DDX46: variants seen among roughly 807,000 people sequenced by gnomAD.
DDX46 encodes the protein probable ATP-dependent RNA helicase DDX46.
Under a neutral mutation model 134.9 loss-of-function variants are expected in DDX46, and 30 were observed. That is an observed-to-expected ratio of 0.22 (90% CI 0.17 to 0.30). The LOEUF (loss-of-function observed/expected upper bound fraction) is 0.30. Among genes scored for constraint, DDX46 ranks in the 10% least tolerant of loss-of-function variants. The pLI, the probability that DDX46 is intolerant of heterozygous loss-of-function variation, is 1.00. For missense variants in DDX46, 622 were observed against 1,248.7 expected (o/e 0.50, Z 7.56); for synonymous variants, 415 against 404.1 (o/e 1.03, Z -0.32).
At chr5:134,784,592 A>G (rs774455194) in intron 10 of DDX46, 51 bp downstream of exon 10, 1 of 1,518,078 alleles carries the variant, frequency 6.6e-7, no homozygotes, top group South Asian at 1.3e-5. Flanking sequence ...TTGTTGTCAA[A>G]CAGAAAGACC....
In DDX46 at chr5:134,811,328, G is replaced by A. The variant is rs1336675673; in HGVS notation, c.2256G>A (p.Leu752=). 1.9e-6 allele frequency: 3 copies of A among 1,614,054 alleles called. No individual in the cohort carries two copies. The East Asian group carries it at 6.7e-5, about 36-fold the overall frequency. The change falls in exon 17 of 23, where the codon CTG becomes CTA. Residue 752 remains leucine, a synonymous_variant. Transcript: ENST00000452510. ...GTAVPPDLEK[L]WSDFKDQQKA... is the part of the protein sequence containing the mutation. ...CAGTACCTCCTGATTTAGAGAAACT[G>A]TGGAGTGATTTCAAAGATCAGCAGA...
intron 21 of DDX46, among the ~76,000 whole-genome samples, chr5:134,821,535 TG>T (rs769326154): frequency 0.17 from 24,336 of 143,502 alleles, 2,425 homozygotes; most frequent in East Asian, 0.33. Context: ...CTGGGTTTTT[TG>T]TTTTTTTTTT....
At position 134,816,566 on chromosome 5, in the gene DDX46, G is replaced by A; in HGVS notation, c.2573G>A (p.Arg858Lys). ...KLEIAKRLAL[R>K]INAQKNLGIE... ...GAAATTGCTAAGAGATTGGCTCTTA[G>A]AATCAATGCCCAGAAGAATTTGGGC... is the stretch of plus-strand genomic sequence containing the variant. Residue 858 changes from arginine to lysine, a missense_variant, in exon 19 of 23, where the codon AGA (arginine) becomes AAA (lysine). Arg to Lys is a conservative substitution (Grantham distance 26). This residue lies in a region of DDX46 where 76 missense variants were observed against 213.0 expected (regional missense o/e 0.36). Transcript: ENST00000452510. The A allele has an allele frequency of 6.2e-7, 1 of 1,613,784 alleles. No homozygotes were observed. Among genetic ancestry groups the A allele is most frequent in the Non-Finnish European group, 8.5e-7 (1 of 1,179,936 alleles).
At position 134,766,970 on chromosome 5, in the gene DDX46, G is replaced by A; in HGVS notation, c.260G>A (p.Ser87Asn). ...DRSRERRRSR[S>N]RDRRRSRSRS... ...AGCCGAGAGCGAAGAAGATCTCGAAGTAGAGACAGGAGACGCTCAAGGAGT... is the reference window on the plus strand; with the variant it reads ...AGCCGAGAGCGAAGAAGATCTCGAAATAGAGACAGGAGACGCTCAAGGAGT... The change falls in exon 3 of 23, where the codon AGT becomes AAT. Residue 87 changes from serine (S) to asparagine (N), a missense_variant. Around this residue, in one of 8 missense-constraint regions of DDX46, gnomAD observed 244 missense variants for 349.3 expected, o/e 0.70. Coordinates refer to ENST00000452510, the MANE Select transcript of DDX46 (RefSeq NM_001300860.2). The A allele has an allele frequency of 6.2e-7, 1 of 1,614,210 alleles. No individual in the cohort carries two copies. The highest frequency in any genetic ancestry group is 8.5e-7 in the Non-Finnish European group (1 of 1,180,038).
intron 4 of DDX46, 89 bp from the exon 5 acceptor site, chr5:134,773,607 C>G: frequency 7.1e-7 from 1 of 1,411,100 alleles, no homozygotes; most frequent in Non-Finnish European, 9.4e-7. Flanking sequence ...CTTTGAAGAA[C>G]TTACTGGAAT....
At chr5:134,827,091 A>C (rs976464648) in intron 22 of DDX46, 71 bp downstream of exon 22, 101 of 1,432,584 alleles carry the variant, frequency 7.1e-5, no homozygotes, top group Middle Eastern at 5.3e-4. Context: ...AATACAGAGA[A>C]GTACTCAAAT....
intron 1 of DDX46, among the ~76,000 whole-genome samples, chr5:134,762,244 CT>C (rs1280415734): frequency 1.4e-5 from 2 of 141,550 alleles, no homozygotes; most frequent in South Asian, 4.5e-4. Context: ...GACACCATCT[CT>C]ACCCAAAAAA....
rs79622265 is a variant in DDX46 at position 134,758,823 on chromosome 5, G to C, written c.-116G>C. ...TGGGATGGCCGCCACAGCTGTAGGT[G>C]CTGCTAGTGTTTAGCGCTGGTCTTT... On this transcript the variant is annotated 5_prime_UTR_variant, in exon 1 of 23. Coordinates refer to ENST00000452510, the MANE Select transcript of DDX46 (RefSeq NM_001300860.2). 407 of 1,507,186 alleles carry C rather than the reference G, an allele frequency of 2.7e-4. 1 individual carries two copies. The East Asian group carries it at 9.0e-3, about 33-fold the overall frequency. 93.4% of individuals were successfully genotyped at this position (1,507,186 alleles called of 1,614,324 possible).
At chr5:134,803,395 G>T (rs771201020) in intron 15 of DDX46, among the ~76,000 whole-genome samples, 5 of 151,848 alleles carry the variant, frequency 3.3e-5, no homozygotes, top group Non-Finnish European at 7.4e-5. Context: ...GCATATATAC[G>T]CACAGTTGTG....
At chr5:134,808,394 A>C (rs1375032978) in intron 16 of DDX46, among the ~76,000 whole-genome samples, 1 of 152,204 alleles carries the variant, frequency 6.6e-6, no homozygotes, top group Non-Finnish European at 1.5e-5. Context: ...AGCCTATTTT[A>C]TAATAAAGTA....
At chr5:134,802,381 C>T (rs916764530) in intron 15 of DDX46, among the ~76,000 whole-genome samples, 4 of 151,736 alleles carry the variant, frequency 2.6e-5, no homozygotes, top group African/African-American at 9.7e-5. Context: ...AGGCTGGTCT[C>T]GAATTCCTGA....
chr5:134,807,738 T>A lies in DDX46; in HGVS notation c.1955-10T>A. 8 of 1,600,694 alleles carry A rather than the reference T, an allele frequency of 5.0e-6. No individual in the cohort carries two copies. Among genetic ancestry groups the A allele is most frequent in the Non-Finnish European group, 6.8e-6 (8 of 1,171,994 alleles). On this transcript the variant is annotated splice_polypyrimidine_tract_variant and intron_variant, in intron 15 of 22. Transcript: ENST00000452510. Reference sequence around the variant, plus strand: ...TGAACATGTTTTAAAGCTCTCTAATTTACTTGCAGGCATTGATCAATATGA... The same window carrying A: ...TGAACATGTTTTAAAGCTCTCTAATATACTTGCAGGCATTGATCAATATGA...
At position 134,795,204 on chromosome 5, in the gene DDX46, G is replaced by GTTTT. The variant is rs879550711; in HGVS notation, c.1791+202_1791+205dup. 1.4e-3 allele frequency among the ~76,000 whole-genome samples: 181 copies of GTTTT among 125,688 alleles called. 5 individuals are homozygous for GTTTT. The highest frequency in any genetic ancestry group is 4.8e-3 in the African/African-American group (158 of 33,094). 82.5% of individuals were successfully genotyped at this position (125,688 alleles called of 152,430 possible). On this transcript the variant is annotated intron_variant, in intron 14 of 22. Coordinates refer to ENST00000452510, the MANE Select transcript of DDX46 (RefSeq NM_001300860.2). ...TTCCACGGAGCTATTTAAAATGCTT[G>GTTTT]TTTTTTTTTTTTTTTGTTTTTTTTT... is the stretch of plus-strand genomic sequence containing the variant.
At chr5:134,784,598 A>G in intron 10 of DDX46, 57 bp downstream of exon 10, 1 of 1,497,576 alleles carries the variant, frequency 6.7e-7, no homozygotes, top group Admixed American at 2.2e-5. Context: ...TCAAACAGAA[A>G]GACCTTATAG....
chr5:134,796,380 A>G (rs941680970), intron 15 of DDX46, among the ~76,000 whole-genome samples: 4 of 152,230 alleles, frequency 2.6e-5, no homozygotes, highest in African/African-American at 7.2e-5. Context: ...TTTATCAACT[A>G]TGGAGGAATT....
At chr5:134,815,702 G>C (rs1228448800) in intron 18 of DDX46, among the ~76,000 whole-genome samples, 3 of 79,266 alleles carry the variant, frequency 3.8e-5, no homozygotes, top group Admixed American at 2.1e-4. Context: ...GCGAGACTCT[G>C]TCTCAAAAAA....
chr5:134,780,564 C>CA (rs1754115813), intron 6 of DDX46, among the ~76,000 whole-genome samples: 1 of 142,308 alleles, frequency 7.0e-6, no homozygotes, highest in Non-Finnish European at 1.5e-5. Context: ...AACTTTATCT[C>CA]AATAAATAAA....
intron 21 of DDX46, among the ~76,000 whole-genome samples, chr5:134,825,105 G>A (rs937782994): frequency 6.6e-6 from 1 of 152,128 alleles, no homozygotes; most frequent in Non-Finnish European, 1.5e-5. Flanking sequence ...AAATTGTCGG[G>A]CTCTGATAAA....
At chr5:134,805,505 T>A (rs958960130) in intron 15 of DDX46, among the ~76,000 whole-genome samples, 1 of 151,568 alleles carries the variant, frequency 6.6e-6, no homozygotes, top group South Asian at 2.1e-4. Flanking sequence ...ATTTAAAAAT[T>A]TCCTCAGTTC....
Sources: gnomAD v4.1 joint callset for allele counts (sites outside exome capture counted in the v4.1 genomes callset) on GRCh38, gnomAD v4.1.1 for gene constraint, gnomAD v4.1.1 regional missense constraint, MANE v1.5 for transcripts, NCBI Gene and HGNC (gene_info 2026-07-23, HGNC 2026-07-21) for gene names.